Variants in CSGALNACT1 observed in about 807,000 individuals in gnomAD.
The protein encoded by CSGALNACT1 is beta4GalNAcT-1.
A neutral mutation model predicts 51.0 loss-of-function variants in CSGALNACT1; 52 were observed. The ratio of observed to expected loss-of-function variants is 1.02; its 90% CI spans 0.82 to 1.29. CSGALNACT1 has a LOEUF of 1.29. CSGALNACT1 is among the 50% of genes most tolerant of loss of function. The pLI, the probability that CSGALNACT1 is intolerant of heterozygous loss-of-function variation, is 0.00. For missense variants in CSGALNACT1, 935 were observed against 679.2 expected (o/e 1.38, Z -4.19); for synonymous variants, 341 against 254.4 (o/e 1.34, Z -3.24).
chr8:19,550,576 T>C (rs2087757306), intron 3 of CSGALNACT1, among the ~76,000 whole-genome samples: 1 of 152,204 alleles, frequency 6.6e-6, no homozygotes, highest in Admixed American at 6.5e-5. Flanking sequence ...TTCCTGCTTA[T>C]TTATTTGGTC....
chr8:19,410,774 C>T (rs1239955893), intron 8 of CSGALNACT1, among the ~76,000 whole-genome samples: 1 of 152,188 alleles, frequency 6.6e-6, no homozygotes, highest in East Asian at 1.9e-4. Context: ...CCACAAAAAG[C>T]CACTATCTGA....
intron 1 of CSGALNACT1, among the ~76,000 whole-genome samples, chr8:19,624,218 G>T (rs777736696): frequency 6.6e-6 from 1 of 152,006 alleles, no homozygotes; most frequent in South Asian, 2.1e-4. Flanking sequence ...AGCCCTTATT[G>T]TCAAGGGATT....
chr8:19,434,774 G>A (rs1337662217), intron 6 of CSGALNACT1, among the ~76,000 whole-genome samples: 3 of 152,006 alleles, frequency 2.0e-5, no homozygotes, highest in Admixed American at 1.3e-4. Context: ...CTGCTTGGGA[G>A]GGATCTACTG....
intron 1 of CSGALNACT1, among the ~76,000 whole-genome samples, chr8:19,662,403 T>G (rs1348082037): frequency 6.6e-6 from 1 of 152,090 alleles, no homozygotes; most frequent in East Asian, 1.9e-4. Context: ...GAAAAATATC[T>G]GAAATCCAGC....
At chr8:19,689,907 T>C (rs1010927190) in intron 1 of CSGALNACT1, among the ~76,000 whole-genome samples, 1 of 152,232 alleles carries the variant, frequency 6.6e-6, no homozygotes, top group Admixed American at 6.5e-5. Context: ...GTTTTCTTGT[T>C]CCTGCTCAAG....
exon 2 of CSGALNACT1, chr8:19,601,795 A>G (rs974582977): frequency 4.2e-5 from 19 of 453,920 alleles, no homozygotes; most frequent in East Asian, 6.9e-5. Context: ...AGGGAAGGTT[A>G]GGAGGTGGCT....
chr8:19,605,593 C>G (rs1005726860), upstream of CSGALNACT1, among the ~76,000 whole-genome samples: 1 of 152,080 alleles, frequency 6.6e-6, no homozygotes, highest in Non-Finnish European at 1.5e-5. Flanking sequence ...TGTGTCATCA[C>G]CAGTGTCAGT....
At chr8:19,531,261 A>G (rs183062230) in intron 3 of CSGALNACT1, among the ~76,000 whole-genome samples, 2 of 152,338 alleles carry the variant, frequency 1.3e-5, no homozygotes, top group African/African-American at 4.8e-5. Context: ...GCTTCTTAAA[A>G]AGAATGTAAC....
chr8:19,706,391 C>G (rs746357861), intron 1 of CSGALNACT1, among the ~76,000 whole-genome samples: 2 of 152,148 alleles, frequency 1.3e-5, no homozygotes, highest in African/African-American at 4.8e-5. Flanking sequence ...AAAACTGCGG[C>G]GGAGGCTGGG....
chr8:19,726,503 T>G (rs1480369264), intron 1 of CSGALNACT1, among the ~76,000 whole-genome samples: 2 of 152,222 alleles, frequency 1.3e-5, no homozygotes, highest in Non-Finnish European at 2.9e-5. Context: ...CATGATGTTT[T>G]GATACATGAA....
At chr8:19,520,885 C>T (rs1046435985) in intron 3 of CSGALNACT1, among the ~76,000 whole-genome samples, 14 of 152,318 alleles carry the variant, frequency 9.2e-5, no homozygotes, top group African/African-American at 2.9e-4. Context: ...CACAGCAAAT[C>T]GGGGTCTCTA....
chr8:19,431,836 T>G (rs1408280624), intron 6 of CSGALNACT1, among the ~76,000 whole-genome samples: 1 of 151,952 alleles, frequency 6.6e-6, no homozygotes, highest in Non-Finnish European at 1.5e-5. Context: ...ATTAAATCAA[T>G]CCATTTGCTT....
chr8:19,573,368 T>A (rs531609829), intron 3 of CSGALNACT1, among the ~76,000 whole-genome samples: 1 of 152,190 alleles, frequency 6.6e-6, no homozygotes, highest in South Asian at 2.1e-4. Context: ...CGGCACTGGA[T>A]GAAAACCTTG....
intron 1 of CSGALNACT1, among the ~76,000 whole-genome samples, chr8:19,655,143 C>G (rs2058146244): frequency 6.6e-6 from 1 of 152,070 alleles, no homozygotes; most frequent in Admixed American, 6.6e-5. Flanking sequence ...AGTCATTTTC[C>G]TGGAATGGTG....
chr8:19,446,126 G>A, intron 5 of CSGALNACT1, among the ~76,000 whole-genome samples: 1 of 152,196 alleles, frequency 6.6e-6, no homozygotes, highest in East Asian at 1.9e-4. Flanking sequence ...AGTGAGCTGA[G>A]ATGGTGCCAG....
intron 9 of CSGALNACT1, among the ~76,000 whole-genome samples, chr8:19,406,755 A>G (rs2153659825): frequency 6.6e-6 from 1 of 152,190 alleles, no homozygotes; most frequent in East Asian, 1.9e-4. Flanking sequence ...CAGAGAAGAA[A>G]CGAGGGGCTT....
At chr8:19,505,729 G>C in exon 4 of CSGALNACT1, 2 of 1,614,132 alleles carry the variant, frequency 1.2e-6, no homozygotes, top group Non-Finnish European at 1.7e-6. Context: ...TCACCTTTTG[G>C]GGTGCAGGCC....
intron 1 of CSGALNACT1, among the ~76,000 whole-genome samples, chr8:19,646,414 C>T (rs998142461): frequency 4.6e-5 from 7 of 152,050 alleles, no homozygotes; most frequent in African/African-American, 1.4e-4. Context: ...AGAGAAGTAA[C>T]AAAGATAATT....
At chr8:19,664,638 AACACACAAAC>A (rs1291568653) in intron 1 of CSGALNACT1, among the ~76,000 whole-genome samples, 11 of 138,996 alleles carry the variant, frequency 7.9e-5, no homozygotes, top group Non-Finnish European at 1.6e-4. Context: ...CACACACACA[AACACACAAAC>A]ACACACACAC....
Sources: gnomAD v4.1 joint callset for allele counts (sites outside exome capture counted in the v4.1 genomes callset) on GRCh38, gnomAD v4.1.1 for gene constraint, MANE v1.5 for transcripts, NCBI Gene and HGNC (gene_info 2026-07-23, HGNC 2026-07-21) for gene names.